NRG3: variants seen among roughly 807,000 people sequenced by gnomAD.
NRG3 encodes pro-neuregulin-3, membrane-bound isoform.
NRG3 carries 31 observed loss-of-function variants against 66.9 expected under a neutral mutation model. The ratio of observed to expected loss-of-function variants is 0.46; its 90% CI spans 0.35 to 0.63. The LOEUF (loss-of-function observed/expected upper bound fraction) is 0.63, where lower values mean the gene tolerates loss of function less well. Among genes scored for constraint, NRG3 ranks in the 20% least tolerant of loss-of-function variants. The probability of loss-of-function intolerance (pLI) is 0.00; values close to 1 mark genes in which losing one functional copy is unlikely to be tolerated. For synonymous variants in NRG3, 393 were observed against 359.4 expected (o/e 1.09, Z -1.06); for missense variants, 910 against 878.9 (o/e 1.04, Z -0.45).
chr10:82,010,188 T>C lies in NRG3; in HGVS notation c.823+134025T>C, dbSNP rs182920581. ...AGTGACATTATAAGAAGAAAGAATT[T>C]CATCTTTATTTTATAGGTGAGAAAG... On this transcript the variant is annotated intron_variant, in intron 1 of 8. Coordinates refer to ENST00000372141, the MANE Select transcript of NRG3 (RefSeq NM_001010848.4). 2.2e-3 allele frequency among the ~76,000 whole-genome samples: 340 copies of C among 152,286 alleles called. 3 individuals are homozygous for C. Among genetic ancestry groups the C allele is most frequent in the African/African-American group, 7.6e-3 (317 of 41,576 alleles).
At chr10:82,410,809 T>G (rs2088016645) in intron 2 of NRG3, among the ~76,000 whole-genome samples, 1 of 152,120 alleles carries the variant, frequency 6.6e-6, no homozygotes, top group South Asian at 2.1e-4. Flanking sequence ...AAATTAATAT[T>G]CTTGCATACG....
At chr10:82,980,968 C>T (rs1852818794) in intron 8 of NRG3, among the ~76,000 whole-genome samples, 1 of 152,150 alleles carries the variant, frequency 6.6e-6, no homozygotes, top group African/African-American at 2.4e-5. Flanking sequence ...TACATAAACT[C>T]CCTGGGATGA....
intron 2 of NRG3, among the ~76,000 whole-genome samples, chr10:82,566,766 C>T (rs910105315): frequency 7.3e-5 from 11 of 151,540 alleles, no homozygotes; most frequent in South Asian, 6.3e-4. Flanking sequence ...ATTAACTTAC[C>T]AAGTAGTAGA....
intron 1 of NRG3, among the ~76,000 whole-genome samples, chr10:82,332,213 AAATT>A: frequency 6.6e-6 from 1 of 152,318 alleles, no homozygotes; most frequent in Non-Finnish European, 1.5e-5. Flanking sequence ...GTTGGATACA[AAATT>A]AATCAGTTTT....
At chr10:82,150,526 C>CAAAAAAAAAAAAA (rs2070637635) in intron 1 of NRG3, among the ~76,000 whole-genome samples, 3 of 17,152 alleles carry the variant, frequency 1.7e-4, no homozygotes, top group African/African-American at 4.5e-4. Context: ...AAAAAGAGCA[C>CAAAAAAAAAAAAA]ACACAAAAAA....
At chr10:82,694,841 A>G (rs1338449951) in intron 2 of NRG3, among the ~76,000 whole-genome samples, 1 of 152,218 alleles carries the variant, frequency 6.6e-6, no homozygotes, top group Non-Finnish European at 1.5e-5. Context: ...AAAAACTATG[A>G]GGAACATATG....
At chr10:82,703,297 A>G (rs1350028699) in intron 2 of NRG3, among the ~76,000 whole-genome samples, 1 of 152,204 alleles carries the variant, frequency 6.6e-6, no homozygotes, top group African/African-American at 2.4e-5. Flanking sequence ...TTCACCATAT[A>G]TATTGGCAAA....
intron 1 of NRG3, among the ~76,000 whole-genome samples, chr10:81,993,795 T>G (rs2060831026): frequency 6.6e-6 from 1 of 152,220 alleles, no homozygotes; most frequent in Admixed American, 6.5e-5. Flanking sequence ...TAGTAATATT[T>G]TTCTGTTTGT....
intron 1 of NRG3, among the ~76,000 whole-genome samples, chr10:82,312,652 A>T (rs1419591712): frequency 6.6e-6 from 1 of 152,230 alleles, no homozygotes; most frequent in Non-Finnish European, 1.5e-5. Flanking sequence ...GCAAGATGGC[A>T]CCTAGTGTAT....
At chr10:82,826,945 T>C (rs2062243316) in intron 3 of NRG3, among the ~76,000 whole-genome samples, 1 of 152,114 alleles carries the variant, frequency 6.6e-6, no homozygotes. Context: ...AAATAGTATT[T>C]CACATCACTT....
intron 1 of NRG3, among the ~76,000 whole-genome samples, chr10:82,291,532 A>G (rs1054115812): frequency 2.6e-4 from 40 of 152,236 alleles, no homozygotes; most frequent in Admixed American, 5.9e-4. Context: ...AAAATAATAA[A>G]GTGGGAAGAA....
chr10:82,544,723 G>A (rs1005753387), intron 2 of NRG3, among the ~76,000 whole-genome samples: 2 of 152,104 alleles, frequency 1.3e-5, no homozygotes, highest in Non-Finnish European at 2.9e-5. Context: ...GCGCACCTAG[G>A]AGCTGACAAA....
At chr10:82,184,957 G>T (rs1310225084) in intron 1 of NRG3, among the ~76,000 whole-genome samples, 1 of 152,154 alleles carries the variant, frequency 6.6e-6, no homozygotes, top group East Asian at 1.9e-4. Flanking sequence ...CAATTAAGCT[G>T]CTAATTAATT....
chr10:82,380,967 ACAGGTAAC>A (rs1330627975), intron 2 of NRG3, among the ~76,000 whole-genome samples: 5 of 152,188 alleles, frequency 3.3e-5, no homozygotes, highest in Admixed American at 3.3e-4. Context: ...GCTAATACCT[ACAGGTAAC>A]CACATGGATG....
chr10:82,980,702 A>G (rs972355994), intron 8 of NRG3, among the ~76,000 whole-genome samples: 3 of 152,198 alleles, frequency 2.0e-5, no homozygotes, highest in Non-Finnish European at 4.4e-5. Context: ...AGGTTTTATA[A>G]TTTTGAAGCA....
chr10:82,405,431 C>T (rs1163544099), intron 2 of NRG3, among the ~76,000 whole-genome samples: 2 of 147,316 alleles, frequency 1.4e-5, no homozygotes, highest in African/African-American at 5.1e-5. Context: ...AGTACCTTTT[C>T]TATCTTTGGA....
chr10:82,938,178 T>G (rs531941742), intron 4 of NRG3, among the ~76,000 whole-genome samples: 1 of 152,316 alleles, frequency 6.6e-6, no homozygotes, highest in African/African-American at 2.4e-5. Context: ...TACATGTGGC[T>G]TGCATTATAT....
intron 2 of NRG3, among the ~76,000 whole-genome samples, chr10:82,513,086 T>G (rs1257336297): frequency 6.6e-6 from 1 of 152,202 alleles, no homozygotes; most frequent in African/African-American, 2.4e-5. Flanking sequence ...GCATTAGCTA[T>G]CTATCCTGAT....
At chr10:81,936,696 C>A (rs1847905542) in intron 1 of NRG3, among the ~76,000 whole-genome samples, 2 of 152,054 alleles carry the variant, frequency 1.3e-5, no homozygotes, top group South Asian at 4.2e-4. Flanking sequence ...TCTAACTCAC[C>A]ACCCTGCTAT....
Sources: gnomAD v4.1 joint callset for allele counts (sites outside exome capture counted in the v4.1 genomes callset) on GRCh38, gnomAD v4.1.1 for gene constraint, MANE v1.5 for transcripts, NCBI Gene and HGNC (gene_info 2026-07-23, HGNC 2026-07-21) for gene names.